The following CLASP1 variants were observed in gnomAD, a reference collection of about 807,000 sequenced individuals.
CLASP1 encodes CLIP-associating protein 1.
Under a neutral mutation model 192.3 loss-of-function variants are expected in CLASP1, and 38 were observed. The ratio of observed to expected loss-of-function variants is 0.20; its 90% CI spans 0.15 to 0.26. The LOEUF (loss-of-function observed/expected upper bound fraction) is 0.26, where lower values mean the gene tolerates loss of function less well. Ranked by LOEUF, CLASP1 falls within the 10% of genes least tolerant of loss-of-function variation. CLASP1 has a pLI of 1.00. For synonymous variants in CLASP1, 691 were observed against 712.8 expected, an observed-to-expected ratio of 0.97 and a Z score of 0.49; for missense variants, 1,433 against 1,932.5, an observed-to-expected ratio of 0.74 and a Z score of 4.85.
At chr2:121,350,009 T>C (rs1444962314) in intron 37 of CLASP1, among the ~76,000 whole-genome samples, 2 of 152,160 alleles carry the variant, frequency 1.3e-5, no homozygotes, top group East Asian at 3.8e-4. Flanking sequence ...TAAAGGATGC[T>C]TACTACTACC....
At chr2:121,410,271 T>C in intron 24 of CLASP1, among the ~76,000 whole-genome samples, 1 of 152,158 alleles carries the variant, frequency 6.6e-6, no homozygotes, top group Non-Finnish European at 1.5e-5. Flanking sequence ...AACTTTTTGG[T>C]ATAACCAAAA....
chr2:121,529,691 AAG>A (rs1347046132), intron 3 of CLASP1, among the ~76,000 whole-genome samples: 2 of 152,224 alleles, frequency 1.3e-5, no homozygotes, highest in African/African-American at 4.8e-5. Context: ...CCTTCAAAAT[AAG>A]AGTGAACATT....
chr2:121,411,780 A>G (rs1425764679), intron 23 of CLASP1, among the ~76,000 whole-genome samples: 1 of 152,270 alleles, frequency 6.6e-6, no homozygotes, highest in African/African-American at 2.4e-5. Flanking sequence ...CAGCTGACCA[A>G]CCTTCCTTAG....
At chr2:121,518,225 C>G (rs1306492357) in intron 6 of CLASP1, among the ~76,000 whole-genome samples, 1 of 131,736 alleles carries the variant, frequency 7.6e-6, no homozygotes, top group Non-Finnish European at 1.6e-5. Context: ...AGCGAGACCC[C>G]CGTCTCAAAA....
At chr2:121,412,990 G>T (rs1390888564) in intron 23 of CLASP1, among the ~76,000 whole-genome samples, 1 of 152,182 alleles carries the variant, frequency 6.6e-6, no homozygotes, top group Non-Finnish European at 1.5e-5. Context: ...TGGGCACGGC[G>T]GCTTTGCCTG....
At chr2:121,547,712 G>A (rs7580531) in intron 2 of CLASP1, among the ~76,000 whole-genome samples, 32,069 of 152,036 alleles carry the variant, frequency 0.21, 6,450 homozygotes, top group African/African-American at 0.53. Context: ...GAACACGGCT[G>A]CAACTGTGAG....
At chr2:121,599,723 CTGGCCAACATGG>C (rs2063577238) in intron 2 of CLASP1, among the ~76,000 whole-genome samples, 2 of 151,532 alleles carry the variant, frequency 1.3e-5, no homozygotes, top group Non-Finnish European at 2.9e-5. Context: ...GGAGACCAGC[CTGGCCAACATGG>C]CGAAGCCCCA....
At chr2:121,586,554 T>TA (rs2061736531) in intron 2 of CLASP1, among the ~76,000 whole-genome samples, 1 of 152,208 alleles carries the variant, frequency 6.6e-6, no homozygotes, top group Non-Finnish European at 1.5e-5. Context: ...AATACACTAT[T>TA]AATAGTTTGG....
intron 8 of CLASP1, among the ~76,000 whole-genome samples, chr2:121,496,430 TC>T (rs1201479719): frequency 5.9e-5 from 9 of 152,186 alleles, no homozygotes; most frequent in Admixed American, 3.3e-4. Context: ...TGCTCAGTTC[TC>T]TGTCAGCTCC....
At chr2:121,408,991 A>G (rs2077304466) in intron 24 of CLASP1, 1 of 1,536,176 alleles carries the variant, frequency 6.5e-7, no homozygotes, top group East Asian at 2.4e-5. Flanking sequence ...CAGGAGAAAT[A>G]AAGTTGTAAA....
intron 1 of CLASP1, among the ~76,000 whole-genome samples, chr2:121,637,287 G>C (rs2071064545): frequency 6.6e-6 from 1 of 152,040 alleles, no homozygotes; most frequent in Non-Finnish European, 1.5e-5. Context: ...TGAGAGAATA[G>C]AAAATGAAGT....
intron 6 of CLASP1, 77 bp downstream of exon 6, chr2:121,525,767 AC>A (rs2094560281): frequency 8.5e-6 from 8 of 943,694 alleles, no homozygotes; most frequent in South Asian, 4.1e-5. Context: ...CTCCAGTCCC[AC>A]CCACTACGGA....
chr2:121,402,585 C>G (rs1463217909), intron 26 of CLASP1: 1 of 518,696 alleles, frequency 1.9e-6, no homozygotes. Flanking sequence ...ACTGAGACCT[C>G]CAAACTCACT....
chr2:121,542,073 T>C (rs74426874), intron 2 of CLASP1, among the ~76,000 whole-genome samples: 5,745 of 152,216 alleles, frequency 0.038, 156 homozygotes, highest in Middle Eastern at 0.082. Context: ...TTCCATTCAA[T>C]GTGCAATGGA....
intron 19 of CLASP1, chr2:121,444,887 A>T: frequency 1.0e-5 from 13 of 1,261,244 alleles, no homozygotes; most frequent in Non-Finnish European, 1.4e-5. Flanking sequence ...CGGTGAGAAC[A>T]GAGGACCAGA....
intron 33 of CLASP1, among the ~76,000 whole-genome samples, chr2:121,379,520 A>AT (rs1308401147): frequency 6.6e-6 from 1 of 152,190 alleles, no homozygotes; most frequent in Non-Finnish European, 1.5e-5. Flanking sequence ...CCAGTACACT[A>AT]TTTTTTATAT....
chr2:121,443,836 T>G (rs2083816005), intron 19 of CLASP1, among the ~76,000 whole-genome samples: 1 of 151,954 alleles, frequency 6.6e-6, no homozygotes, highest in Non-Finnish European at 1.5e-5. Context: ...ATGTTCACCT[T>G]CAAAAAAAAA....
chr2:121,367,761 C>T (rs1334802307), exon 35 of CLASP1: 25 of 1,613,792 alleles, frequency 1.5e-5, no homozygotes, highest in Middle Eastern at 1.6e-4. Context: ...CAGAGCTGTC[C>T]GGCCTCCTTC....
chr2:121,605,650 T>C (rs2064337295), intron 2 of CLASP1, 51 bp downstream of exon 2: 1 of 1,429,560 alleles, frequency 7.0e-7, no homozygotes, highest in Non-Finnish European at 9.8e-7. Flanking sequence ...AATTTTGATC[T>C]ACCAGTGCAG....
Sources: gnomAD v4.1 joint callset for allele counts (sites outside exome capture counted in the v4.1 genomes callset) on GRCh38, gnomAD v4.1.1 for gene constraint, MANE v1.5 for transcripts, NCBI Gene and HGNC (gene_info 2026-07-23, HGNC 2026-07-21) for gene names.